The following PHACTR3 variants were observed in gnomAD, a reference collection of about 807,000 sequenced individuals.
PHACTR3 encodes the protein phosphatase and actin regulator 3, also known as protein phosphatase 1, regulatory subunit 123.
In PHACTR3, 16 loss-of-function variants were observed where a neutral mutation model predicts 66.8. The ratio of observed to expected loss-of-function variants is 0.24; its 90% CI spans 0.16 to 0.36. PHACTR3 has a LOEUF of 0.36. PHACTR3 is among the 10% of genes least tolerant of loss of function. The pLI, the probability that PHACTR3 is intolerant of heterozygous loss-of-function variation, is 1.00. For synonymous variants in PHACTR3, 323 were observed against 292.1 expected (o/e 1.11, Z -1.08); for missense variants, 647 against 719.9 (o/e 0.90, Z 1.16).
intron 8 of PHACTR3, among the ~76,000 whole-genome samples, chr20:59,834,177 G>A (rs997954274): frequency 2.0e-5 from 3 of 152,184 alleles, no homozygotes; most frequent in African/African-American, 4.8e-5. Flanking sequence ...CTCATGGTGC[G>A]CTCACTCTTG....
Position 59,755,219 on chromosome 20 carries a change from C to T in PHACTR3, c.396C>T (p.Pro132=). 6.2e-7 allele frequency: 1 copy of T among 1,613,766 alleles called. No individual in the cohort carries two copies. Among genetic ancestry groups the T allele is most frequent in the Non-Finnish European group, 8.5e-7 (1 of 1,180,020 alleles). The change falls in exon 4 of 13, where the codon CCC becomes CCT. Residue 132 remains proline, a synonymous_variant. Transcript: ENST00000371015. ...ESKTCNPDGG[P]RSVQSEPPTP... ...AAACTTGCAACCCCGATGGAGGACC[C>T]CGATCTGTACAGAGTGAACCACCCA...
intron 1 of PHACTR3, among the ~76,000 whole-genome samples, chr20:59,695,196 A>G (rs1199303076): frequency 6.6e-6 from 1 of 152,104 alleles, no homozygotes; most frequent in Non-Finnish European, 1.5e-5. Context: ...TGTACCACTG[A>G]TATGGTTTGG....
intron 1 of PHACTR3, among the ~76,000 whole-genome samples, chr20:59,714,448 C>A (rs2038020474): frequency 6.6e-6 from 1 of 152,226 alleles, no homozygotes; most frequent in African/African-American, 2.4e-5. Flanking sequence ...AAGGACCATT[C>A]TTTTCCTACT....
intron 1 of PHACTR3, among the ~76,000 whole-genome samples, chr20:59,686,698 GTGA>G (rs2036883883): frequency 7.3e-6 from 1 of 136,888 alleles, no homozygotes; most frequent in Non-Finnish European, 1.6e-5. Flanking sequence ...GATGATGATT[GTGA>G]TGATGGTGGT....
chr20:59,577,749 G>T, intron 1 of PHACTR3: 1 of 546,850 alleles, frequency 1.8e-6, no homozygotes, highest in Non-Finnish European at 2.5e-6. Context: ...GGCCCGCTGC[G>T]CCCCCAGCCA....
At chr20:59,708,344 C>G (rs924421306) in intron 1 of PHACTR3, among the ~76,000 whole-genome samples, 8 of 152,204 alleles carry the variant, frequency 5.3e-5, no homozygotes, top group African/African-American at 1.9e-4. Flanking sequence ...TGGAAGTTCT[C>G]TGGGCACCAG....
chr20:59,847,043 A>G lies in PHACTR3; in HGVS notation c.1665-72A>G, dbSNP rs545001816. 3.8e-6 allele frequency: 4 copies of G among 1,052,164 alleles called. No individual in the cohort carries two copies. In the South Asian group the frequency reaches 4.3e-5, roughly 11 times the overall value. The allele number at this position is 1,052,164 out of a possible 1,614,324, so 65.2% of individuals were successfully genotyped here. On this transcript the variant is annotated intron_variant, in intron 12 of 12. Transcript: ENST00000371015. Reference sequence around the variant, plus strand: ...TTTTAATAGCAGCAAATTTATTTGTATAAGGTTTTTGGCTATTTTAACTGC... The same window carrying G: ...TTTTAATAGCAGCAAATTTATTTGTGTAAGGTTTTTGGCTATTTTAACTGC...
intron 4 of PHACTR3, among the ~76,000 whole-genome samples, 195 bp downstream of exon 4, chr20:59,755,559 G>C (rs1009850731): frequency 6.6e-6 from 1 of 152,182 alleles, no homozygotes; most frequent in Non-Finnish European, 1.5e-5. Context: ...TTTCTCTACT[G>C]TCTCTTTCCA....
chr20:59,793,486 C>T (rs2041163355), intron 7 of PHACTR3, among the ~76,000 whole-genome samples: 2 of 152,116 alleles, frequency 1.3e-5, no homozygotes, highest in South Asian at 4.1e-4. Context: ...TTTCAGAATA[C>T]AGATCTTTCA....
chr20:59,635,125 TTC>T (rs771721979), intron 1 of PHACTR3, among the ~76,000 whole-genome samples: 26 of 80,086 alleles, frequency 3.2e-4, no homozygotes, highest in Non-Finnish European at 5.7e-4. Flanking sequence ...CTTTCTTTCT[TTC>T]TTTCTTTCTT....
intron 1 of PHACTR3, among the ~76,000 whole-genome samples, chr20:59,689,247 G>A (rs1010143655): frequency 2.0e-5 from 3 of 152,234 alleles, no homozygotes; most frequent in African/African-American, 4.8e-5. Flanking sequence ...TGGTGGGGCG[G>A]CCTTGGAGGA....
At chr20:59,639,359 C>G (rs2091715562) in intron 1 of PHACTR3, among the ~76,000 whole-genome samples, 1 of 152,032 alleles carries the variant, frequency 6.6e-6, no homozygotes, top group African/African-American at 2.4e-5. Context: ...GAGCATTTCC[C>G]ACCTGTCTGT....
intron 1 of PHACTR3, among the ~76,000 whole-genome samples, chr20:59,595,333 A>C (rs1023022077): frequency 1.3e-5 from 2 of 152,126 alleles, no homozygotes; most frequent in African/African-American, 4.8e-5. Context: ...ATGGTGGTGC[A>C]CGCCTGTAGT....
At chr20:59,642,767 G>A (rs2035149256) in intron 1 of PHACTR3, among the ~76,000 whole-genome samples, 1 of 152,128 alleles carries the variant, frequency 6.6e-6, no homozygotes, top group Admixed American at 6.6e-5. Flanking sequence ...CTGGAACCCG[G>A]GGCAGAAGGA....
rs1433470403 is a variant in PHACTR3, at chr20:59,738,488, G to T, written c.119-4619G>T. Among the ~76,000 whole-genome samples the T allele has an allele frequency of 1.3e-5, 2 of 151,862 alleles. No individual in the cohort carries two copies. Among genetic ancestry groups the T allele is most frequent in the Non-Finnish European group, 2.9e-5 (2 of 67,922 alleles). On this transcript the variant is annotated intron_variant, in intron 1 of 12. Coordinates refer to ENST00000371015, the MANE Select transcript of PHACTR3 (RefSeq NM_080672.5). This position sits in a 1 kb window ranked among gnomAD's most constrained non-coding sequence, Gnocchi z 4.4. The stretch of plus-strand genomic sequence containing the variant: ...GAAGACCAGTTGCTGGGGCAGGGAT[G>T]CTGGTACTGGACCAGGGTTGTTATG...
intron 1 of PHACTR3, among the ~76,000 whole-genome samples, chr20:59,579,414 C>G (rs974890261): frequency 6.6e-6 from 1 of 152,212 alleles, no homozygotes; most frequent in Admixed American, 6.5e-5. Flanking sequence ...AGGCACTGAT[C>G]TAGATGCTGG....
At chr20:59,839,972 A>C (rs1176162890) in intron 9 of PHACTR3, among the ~76,000 whole-genome samples, 2 of 152,162 alleles carry the variant, frequency 1.3e-5, no homozygotes, top group Admixed American at 1.3e-4. Context: ...ATGTACATAT[A>C]CATTTATTTA....
intron 1 of PHACTR3, among the ~76,000 whole-genome samples, chr20:59,632,299 C>T (rs914955822): frequency 1.2e-4 from 19 of 152,310 alleles, no homozygotes; most frequent in Admixed American, 3.9e-4. Flanking sequence ...GCACCTCCTC[C>T]GTCTCTGTCC....
chr20:59,745,200 G>A (rs561497521), intron 2 of PHACTR3, among the ~76,000 whole-genome samples: 26 of 152,326 alleles, frequency 1.7e-4, no homozygotes, highest in South Asian at 1.5e-3. Flanking sequence ...AACAGCCCTC[G>A]AAAAGGCAGC....
Sources: gnomAD v4.1 joint callset for allele counts (sites outside exome capture counted in the v4.1 genomes callset) on GRCh38, gnomAD v4.1.1 for gene constraint, Gnocchi (gnomAD v3.1) non-coding constraint, MANE v1.5 for transcripts, NCBI Gene and HGNC (gene_info 2026-07-23, HGNC 2026-07-21) for gene names.